TOGARAM1: variants seen among roughly 807,000 people sequenced by gnomAD.
TOGARAM1 encodes TOG array regulator of axonemal microtubules 1.
In TOGARAM1, 100 loss-of-function variants were observed where a neutral mutation model predicts 166.6. The ratio of observed to expected loss-of-function variants is 0.60; its 90% CI spans 0.51 to 0.71. The LOEUF (loss-of-function observed/expected upper bound fraction) is 0.71, where lower values mean the gene tolerates loss of function less well. TOGARAM1 is among the 30% of genes least tolerant of loss of function. TOGARAM1 has a pLI of 0.00. For missense variants in TOGARAM1, 2,029 were observed against 2,102.7 expected (o/e 0.96, Z 0.69); for synonymous variants, 758 against 763.8 (o/e 0.99, Z 0.13).
rs372774861 is a variant in TOGARAM1 at position 44,964,042 on chromosome 14, A to G, written c.1621A>G (p.Met541Val). 35 of 1,614,032 alleles carry G rather than the reference A, an allele frequency of 2.2e-5. 1 individual carries two copies. Among genetic ancestry groups the G allele is most frequent in the African/African-American group, 5.3e-5 (4 of 74,924 alleles). The change falls in exon 1 of 20, where the codon ATG (methionine) becomes GTG (valine). Residue 541 changes from methionine to valine, a missense_variant. Physicochemically the swap from Met to Val is conservative, Grantham distance 21. Transcript: ENST00000361462. Reference sequence around the variant, plus strand: ...AGCTTTTGCCGTATTGGCATCATCAATGGGCTCAGGTAAAACCAGCATCCT... The same window carrying G: ...AGCTTTTGCCGTATTGGCATCATCAGTGGGCTCAGGTAAAACCAGCATCCT... Reference protein sequence around the residue: ...LEAFAVLASSMGSGKTSILFK... With the variant: ...LEAFAVLASSVGSGKTSILFK...
intron 13 of TOGARAM1, among the ~76,000 whole-genome samples, chr14:45,046,329 G>T (rs1882065682): frequency 6.6e-6 from 1 of 152,096 alleles, no homozygotes; most frequent in African/African-American, 2.4e-5. Flanking sequence ...TCAGCTACTT[G>T]GGAGGCTAAG....
intron 11 of TOGARAM1, 103 bp downstream of exon 11, chr14:45,032,479 G>T: frequency 8.5e-7 from 1 of 1,177,028 alleles, no homozygotes; most frequent in Non-Finnish European, 1.2e-6. Context: ...AATAATCTTA[G>T]AAATGATTAT....
At chr14:44,977,327 C>T (rs553411002) in intron 1 of TOGARAM1, among the ~76,000 whole-genome samples, 14 of 150,782 alleles carry the variant, frequency 9.3e-5, no homozygotes, top group African/African-American at 1.5e-4. Context: ...CTCCACCTTC[C>T]GGGTTCACGC....
At position 45,012,025 on chromosome 14, in the gene TOGARAM1, C is replaced by A; in HGVS notation, c.3188C>A (p.Ser1063Tyr). ...TCAAAACCTTGTCCAACAAGACTTTCTTCTGCAAAGAAAAAAATTTCTCAT... is the reference window on the plus strand; with the variant it reads ...TCAAAACCTTGTCCAACAAGACTTTATTCTGCAAAGAAAAAAATTTCTCAT... ...FGSKPCPTRL[S>Y]SAKKKISHIA... The change falls in exon 7 of 20, where the codon TCT becomes TAT. Residue 1063 changes from serine (S) to tyrosine (Y), a missense_variant. By Grantham distance (144) the Ser-to-Tyr change is moderately radical (BLOSUM62 -2). Transcript: ENST00000361462. The A allele has an allele frequency of 6.2e-7, 1 of 1,611,604 alleles. No individual in the cohort carries two copies. Among genetic ancestry groups the A allele is most frequent in the African/African-American group, 1.3e-5 (1 of 74,940 alleles).
chr14:45,031,657 A>T (rs1021436318), intron 10 of TOGARAM1, among the ~76,000 whole-genome samples: 1 of 152,204 alleles, frequency 6.6e-6, no homozygotes, highest in Non-Finnish European at 1.5e-5. Flanking sequence ...TGACTGAAAA[A>T]TTACTTGTAG....
chr14:45,026,184 C>T (rs1399900798), intron 8 of TOGARAM1, among the ~76,000 whole-genome samples: 1 of 152,000 alleles, frequency 6.6e-6, no homozygotes, highest in Non-Finnish European at 1.5e-5. Flanking sequence ...ATTCAAGTAG[C>T]CCTTATTTAT....
At chr14:44,975,569 C>G (rs907949314) in intron 1 of TOGARAM1, among the ~76,000 whole-genome samples, 2 of 152,060 alleles carry the variant, frequency 1.3e-5, no homozygotes, top group Non-Finnish European at 2.9e-5. Context: ...CAGGTTCAAG[C>G]CATTCTCCCA....
intron 16 of TOGARAM1, among the ~76,000 whole-genome samples, chr14:45,059,530 T>C (rs1882800825): frequency 1.3e-5 from 2 of 152,062 alleles, no homozygotes; most frequent in African/African-American, 2.4e-5. Context: ...ACGCCTGTAA[T>C]CCCAGCTACT....
chr14:45,044,717 A>T lies in TOGARAM1; in HGVS notation c.4001A>T (p.Asp1334Val). 6.2e-7 allele frequency: 1 copy of T among 1,614,054 alleles called. No homozygotes were observed. Among genetic ancestry groups the T allele is most frequent in the Non-Finnish European group, 8.5e-7 (1 of 1,180,004 alleles). The part of the protein sequence containing the change: ...DLFTYLKKSM[D>V]QELDTTVKVL... ...TTCACTTATTTGAAAAAGAGCATGG[A>T]TCAAGAGCTAGATACCACAGTAAAA... The change falls in exon 13 of 20, where the codon GAT becomes GTT. Residue 1334 changes from aspartate to valine, a missense_variant. Asp to Val is a radical substitution (Grantham distance 152). Transcript: ENST00000361462.
intron 1 of TOGARAM1, among the ~76,000 whole-genome samples, chr14:44,965,931 A>G (rs1885507734): frequency 6.8e-6 from 1 of 147,050 alleles, no homozygotes; most frequent in African/African-American, 2.5e-5. Flanking sequence ...CTGGAGCGCA[A>G]TGGCGCAATC....
chr14:44,974,866 C>T (rs1886094451), intron 1 of TOGARAM1, among the ~76,000 whole-genome samples: 1 of 151,784 alleles, frequency 6.6e-6, no homozygotes, highest in South Asian at 2.1e-4. Context: ...TTTCACTGTG[C>T]CTTATAAATT....
intron 1 of TOGARAM1, among the ~76,000 whole-genome samples, chr14:44,987,244 A>AT (rs1257803227): frequency 8.0e-5 from 12 of 150,442 alleles, no homozygotes; most frequent in Admixed American, 1.3e-4. Context: ...CAGCCATAAC[A>AT]TTTTTTTTTC....
intron 1 of TOGARAM1, among the ~76,000 whole-genome samples, chr14:44,979,011 G>A (rs1886377766): frequency 1.3e-5 from 2 of 150,020 alleles, no homozygotes; most frequent in South Asian, 2.1e-4. Context: ...CCTACATGTG[G>A]ACAAAATAGA....
intron 1 of TOGARAM1, among the ~76,000 whole-genome samples, chr14:44,992,088 AAAAAAAAAAAAAACCAAACC>A (rs1887170287): frequency 6.7e-6 from 1 of 149,164 alleles, no homozygotes; most frequent in African/African-American, 2.4e-5. Flanking sequence ...AAAAAAAAAA[AAAAAAAAAAAAAACCAAACC>A]AAAAAAAAAA....
chr14:45,007,725 T>C (rs1879542497), intron 5 of TOGARAM1: 1 of 152,190 alleles, frequency 6.6e-6, no homozygotes, highest in Non-Finnish European at 1.5e-5. Context: ...GTGAGTTGAC[T>C]TTTGACAAAA....
intron 1 of TOGARAM1, among the ~76,000 whole-genome samples, chr14:44,990,066 C>T (rs1048743729): frequency 2.6e-5 from 4 of 152,206 alleles, no homozygotes; most frequent in African/African-American, 9.7e-5. Context: ...CCCACCAAGT[C>T]TCTCCCTTGA....
rs761254170 is a variant in TOGARAM1 at position 45,044,623 on chromosome 14, A to AT, written c.3919-3dup. 1.5e-4 allele frequency: 231 copies of AT among 1,534,422 alleles called. No individual in the cohort carries two copies. Among genetic ancestry groups the AT allele is most frequent in the South Asian group, 2.0e-4 (17 of 83,138 alleles). On this transcript the variant is annotated splice_polypyrimidine_tract_variant and intron_variant, in intron 12 of 19. Coordinates refer to ENST00000361462, the MANE Select transcript of TOGARAM1 (RefSeq NM_001308120.2). ...AATATCAGCAAAATGTACATTTTGA[A>AT]TTTTTTTTTAGGTGAAAAATTTACG... is the stretch of plus-strand genomic sequence containing the variant.
intron 17 of TOGARAM1, among the ~76,000 whole-genome samples, chr14:45,067,694 A>G (rs2139004914): frequency 6.6e-6 from 1 of 152,240 alleles, no homozygotes; most frequent in Non-Finnish European, 1.5e-5. Flanking sequence ...CCAGAAAGTT[A>G]TATTTTCTGA....
rs536393878 is a variant in TOGARAM1, at chr14:45,054,103, T to A, written c.4441-328T>A. Among the ~76,000 whole-genome samples the A allele has an allele frequency of 3.3e-5, 5 of 152,208 alleles. No individual in the cohort carries two copies. The South Asian group carries it at 1.0e-3, about 32-fold the overall frequency. On this transcript the variant is annotated intron_variant, in intron 15 of 19. Transcript: ENST00000361462. ...CCAGGCTGGTATCAAACTCCTGACCTCAGATGATCCACCTGCCTCAGCCTC... is the reference window on the plus strand; with the variant it reads ...CCAGGCTGGTATCAAACTCCTGACCACAGATGATCCACCTGCCTCAGCCTC...
Sources: gnomAD v4.1 joint callset for allele counts (sites outside exome capture counted in the v4.1 genomes callset) on GRCh38, gnomAD v4.1.1 for gene constraint, MANE v1.5 for transcripts, NCBI Gene and HGNC (gene_info 2026-07-23, HGNC 2026-07-21) for gene names.